Variants in EXOC6B observed in about 807,000 individuals in gnomAD.
EXOC6B encodes the protein SEC15 homolog B.
EXOC6B carries 54 observed loss-of-function variants against 113.5 expected under a neutral mutation model. That is an observed-to-expected ratio of 0.48 (90% CI 0.38 to 0.60). EXOC6B has a LOEUF of 0.60. Ranked by LOEUF, EXOC6B falls within the 20% of genes least tolerant of loss-of-function variation. The probability of loss-of-function intolerance (pLI) is 0.00; values close to 1 mark genes in which losing one functional copy is unlikely to be tolerated. For missense variants in EXOC6B, 797 were observed against 977.5 expected, an observed-to-expected ratio of 0.82 and a Z score of 2.46; for synonymous variants, 357 against 339.0, an observed-to-expected ratio of 1.05 and a Z score of -0.58.
At chr2:72,241,219 T>C (rs947173622) in intron 20 of EXOC6B, among the ~76,000 whole-genome samples, 5 of 152,098 alleles carry the variant, frequency 3.3e-5, no homozygotes, top group Admixed American at 2.6e-4. Context: ...AAAAACACAC[T>C]GTAACAGAAA....
chr2:72,649,513 T>A (rs78905042), intron 6 of EXOC6B, among the ~76,000 whole-genome samples: 112 of 151,870 alleles, frequency 7.4e-4, no homozygotes, highest in African/African-American at 2.6e-3. Context: ...TTAAATTTTT[T>A]AAAATCTGTG....
At chr2:72,672,246 T>C (rs1675940446) in intron 6 of EXOC6B, among the ~76,000 whole-genome samples, 1 of 146,868 alleles carries the variant, frequency 6.8e-6, no homozygotes, top group Non-Finnish European at 1.5e-5. Context: ...CAAAGAGATA[T>C]CTACACTCGC....
At chr2:72,557,229 G>C (rs1703598900) in intron 8 of EXOC6B, among the ~76,000 whole-genome samples, 1 of 127,364 alleles carries the variant, frequency 7.9e-6, no homozygotes, top group Non-Finnish European at 1.6e-5. Context: ...GGAGATGAGA[G>C]ACAACTGGGC....
intron 17 of EXOC6B, among the ~76,000 whole-genome samples, chr2:72,472,171 T>C (rs1698452248): frequency 1.3e-5 from 2 of 152,142 alleles, no homozygotes; most frequent in African/African-American, 4.8e-5. Context: ...TGGTCTGTAG[T>C]TTTCTTTTGT....
At chr2:72,741,827 A>C (rs545062452) in intron 1 of EXOC6B, among the ~76,000 whole-genome samples, 3 of 152,376 alleles carry the variant, frequency 2.0e-5, no homozygotes, top group African/African-American at 7.2e-5. Context: ...GAAATTGAAC[A>C]CAGCTAGAGA....
At chr2:72,404,392 A>G (rs934276300) in intron 18 of EXOC6B, among the ~76,000 whole-genome samples, 1 of 152,208 alleles carries the variant, frequency 6.6e-6, no homozygotes, top group East Asian at 1.9e-4. Context: ...TGGAGATCTG[A>G]GAATGGACAG....
At chr2:72,276,731 TA>T (rs1451849812) in intron 20 of EXOC6B, among the ~76,000 whole-genome samples, 5 of 152,182 alleles carry the variant, frequency 3.3e-5, no homozygotes, top group African/African-American at 4.8e-5. Flanking sequence ...CTGCTCATAG[TA>T]TTAACTTGTT....
intron 18 of EXOC6B, among the ~76,000 whole-genome samples, chr2:72,407,164 G>A (rs1189012280): frequency 6.6e-6 from 1 of 152,124 alleles, no homozygotes; most frequent in Non-Finnish European, 1.5e-5. Context: ...GACTAAACCA[G>A]GAAGAAGTTG....
chr2:72,506,734 C>T (rs1193098243), intron 11 of EXOC6B, among the ~76,000 whole-genome samples: 1 of 151,998 alleles, frequency 6.6e-6, no homozygotes, highest in African/African-American at 2.4e-5. Context: ...TAAAGAACGG[C>T]CATTCTATTT....
intron 20 of EXOC6B, among the ~76,000 whole-genome samples, chr2:72,248,602 T>C (rs1238169777): frequency 6.6e-6 from 1 of 152,190 alleles, no homozygotes; most frequent in Non-Finnish European, 1.5e-5. Flanking sequence ...CACCTATAAT[T>C]ACACCTTGTA....
intron 6 of EXOC6B, among the ~76,000 whole-genome samples, chr2:72,664,354 G>A (rs1295056451): frequency 1.3e-5 from 2 of 152,156 alleles, no homozygotes; most frequent in Non-Finnish European, 2.9e-5. Context: ...CCAGCACGGA[G>A]TTGCTGAGAG....
chr2:72,612,677 T>C (rs1400239321), intron 6 of EXOC6B, among the ~76,000 whole-genome samples: 2 of 152,188 alleles, frequency 1.3e-5, no homozygotes, highest in Admixed American at 6.5e-5. Flanking sequence ...AAGCTACAAC[T>C]GGATTTGCGT....
At chr2:72,397,660 T>TAAAATAAAATAAAATAAAACAA (rs146573352) in intron 18 of EXOC6B, among the ~76,000 whole-genome samples, 1 of 139,852 alleles carries the variant, frequency 7.2e-6, no homozygotes, top group African/African-American at 3.0e-5. Flanking sequence ...TAAAATAAAA[T>TAAAATAAAATAAAATAAAACAA]TATATATATA....
intron 1 of EXOC6B, among the ~76,000 whole-genome samples, chr2:72,750,369 A>G (rs1372748071): frequency 6.6e-6 from 1 of 152,088 alleles, no homozygotes; most frequent in Non-Finnish European, 1.5e-5. Context: ...AAACATTTCT[A>G]CTATCAAACT....
At chr2:72,445,495 A>G (rs1482611827) in intron 18 of EXOC6B, among the ~76,000 whole-genome samples, 1 of 152,226 alleles carries the variant, frequency 6.6e-6, no homozygotes, top group Non-Finnish European at 1.5e-5. Flanking sequence ...TGATAAAGAC[A>G]TACCCGAGAC....
At chr2:72,575,710 G>C (rs1704802551) in intron 6 of EXOC6B, 42 bp from the exon 7 acceptor site, 2 of 1,412,470 alleles carry the variant, frequency 1.4e-6, no homozygotes, top group South Asian at 1.8e-5. Flanking sequence ...CAAAAAGGTG[G>C]GGTTAGGGAG....
intron 20 of EXOC6B, among the ~76,000 whole-genome samples, chr2:72,227,613 C>T (rs1681327427): frequency 6.6e-6 from 1 of 152,120 alleles, no homozygotes; most frequent in Non-Finnish European, 1.5e-5. Flanking sequence ...GTTTTATCCA[C>T]TGGATATGTA....
At chr2:72,368,819 T>C (rs1690809713) in intron 19 of EXOC6B, among the ~76,000 whole-genome samples, 1 of 152,160 alleles carries the variant, frequency 6.6e-6, no homozygotes, top group Non-Finnish European at 1.5e-5. Context: ...CAACAGCCCT[T>C]CATGCTAAAA....
At chr2:72,307,959 A>G (rs1227466789) in intron 20 of EXOC6B, among the ~76,000 whole-genome samples, 3 of 152,228 alleles carry the variant, frequency 2.0e-5, no homozygotes, top group Non-Finnish European at 4.4e-5. Flanking sequence ...GTAATATAAA[A>G]TAGAAGAAAT....
Sources: gnomAD v4.1 joint callset for allele counts (sites outside exome capture counted in the v4.1 genomes callset) on GRCh38, gnomAD v4.1.1 for gene constraint, MANE v1.5 for transcripts, NCBI Gene and HGNC (gene_info 2026-07-23, HGNC 2026-07-21) for gene names.